PPFIA2: variants seen among roughly 807,000 people sequenced by gnomAD.
The protein encoded by PPFIA2 is PPFI scaffold protein A2, also known as liprin-alpha-2.
A neutral mutation model predicts 175.5 loss-of-function variants in PPFIA2; 46 were observed. The ratio of observed to expected loss-of-function variants is 0.26; its 90% CI spans 0.21 to 0.34. The LOEUF (loss-of-function observed/expected upper bound fraction) is 0.34. Ranked by LOEUF, PPFIA2 falls within the 10% of genes least tolerant of loss-of-function variation. PPFIA2 has a pLI of 1.00. For synonymous variants in PPFIA2, 568 were observed against 511.4 expected (o/e 1.11, Z -1.49); for missense variants, 1,179 against 1,506.1 (o/e 0.78, Z 3.60).
At chr12:81,388,673 T>C (rs954050391) in intron 8 of PPFIA2, among the ~76,000 whole-genome samples, 1 of 152,068 alleles carries the variant, frequency 6.6e-6, no homozygotes, top group African/African-American at 2.4e-5. Flanking sequence ...TAAAAGCCTA[T>C]AAAAACCTTG....
chr12:81,273,418 A>C (rs2039669126), intron 28 of PPFIA2, among the ~76,000 whole-genome samples: 2 of 152,038 alleles, frequency 1.3e-5, no homozygotes, highest in Admixed American at 1.3e-4. Flanking sequence ...TTTTTCCAAG[A>C]TCATAACCTC....
chr12:81,524,332 T>G (rs1322046312), intron 4 of PPFIA2, among the ~76,000 whole-genome samples: 7 of 152,158 alleles, frequency 4.6e-5, no homozygotes, highest in Admixed American at 4.6e-4. Context: ...ATTTGCCCAG[T>G]AAAGCTGAGA....
At chr12:81,283,369 T>G (rs527914622) in intron 25 of PPFIA2, among the ~76,000 whole-genome samples, 1 of 152,190 alleles carries the variant, frequency 6.6e-6, no homozygotes, top group African/African-American at 2.4e-5. Flanking sequence ...AAACTTCTGA[T>G]GACAAATATA....
At chr12:81,660,795 G>A (rs1458480001) in intron 4 of PPFIA2, among the ~76,000 whole-genome samples, 1 of 152,198 alleles carries the variant, frequency 6.6e-6, no homozygotes, top group Non-Finnish European at 1.5e-5. Context: ...TGCAGCCAGA[G>A]AGAAAGGTCG....
intron 14 of PPFIA2, among the ~76,000 whole-genome samples, chr12:81,366,438 G>A (rs558813436): frequency 5.1e-4 from 77 of 151,638 alleles, no homozygotes; most frequent in African/African-American, 1.8e-3. Flanking sequence ...CATGCACTAT[G>A]TTTGAAAGCC....
chr12:81,392,604 G>A (rs2040349756), intron 8 of PPFIA2, among the ~76,000 whole-genome samples: 1 of 151,818 alleles, frequency 6.6e-6, no homozygotes, highest in Non-Finnish European at 1.5e-5. Context: ...AAATATGTTT[G>A]TTGTCTTTCT....
At chr12:81,305,596 GC>G (rs2138684329) in intron 22 of PPFIA2, among the ~76,000 whole-genome samples, 1 of 152,108 alleles carries the variant, frequency 6.6e-6, no homozygotes, top group East Asian at 1.9e-4. Flanking sequence ...ATTTGGAATG[GC>G]CTTTCCTCAA....
chr12:81,446,228 A>G (rs967203072), intron 5 of PPFIA2, among the ~76,000 whole-genome samples: 1 of 152,234 alleles, frequency 6.6e-6, no homozygotes, highest in Non-Finnish European at 1.5e-5. Flanking sequence ...ATTATAGAAA[A>G]ATATATGCAA....
At chr12:81,722,841 A>G (rs2079530948) in intron 3 of PPFIA2, among the ~76,000 whole-genome samples, 1 of 151,162 alleles carries the variant, frequency 6.6e-6, no homozygotes, top group Non-Finnish European at 1.5e-5. Flanking sequence ...ATGTTTATGT[A>G]AGCACGCTGT....
intron 22 of PPFIA2, among the ~76,000 whole-genome samples, chr12:81,310,252 C>A (rs567155244): frequency 6.6e-6 from 1 of 152,240 alleles, no homozygotes; most frequent in East Asian, 1.9e-4. Context: ...TAAACTCTAT[C>A]TTCTGATTCC....
At chr12:81,659,165 T>G (rs2068327764) in intron 4 of PPFIA2, among the ~76,000 whole-genome samples, 1 of 152,122 alleles carries the variant, frequency 6.6e-6, no homozygotes, top group Non-Finnish European at 1.5e-5. Context: ...GATTTCTGCA[T>G]TTCCAACTGA....
chr12:81,704,983 C>T (rs1166247336), intron 3 of PPFIA2, among the ~76,000 whole-genome samples: 3 of 139,250 alleles, frequency 2.2e-5, no homozygotes, highest in Non-Finnish European at 3.1e-5. Flanking sequence ...ACTTGGGAGG[C>T]GGAGGCAGGA....
chr12:81,381,995 T>C (rs571095766), intron 9 of PPFIA2, among the ~76,000 whole-genome samples: 1 of 152,188 alleles, frequency 6.6e-6, no homozygotes, highest in East Asian at 1.9e-4. Context: ...CTAGCTCTTA[T>C]AGATGTTTAC....
intron 3 of PPFIA2, among the ~76,000 whole-genome samples, chr12:81,710,989 T>C (rs1162701979): frequency 1.3e-5 from 2 of 151,300 alleles, no homozygotes; most frequent in East Asian, 2.0e-4. Context: ...TCCCAGCTCT[T>C]TGGGAGGCCG....
chr12:81,363,640 AT>A (rs936272301), intron 14 of PPFIA2, among the ~76,000 whole-genome samples: 4 of 149,638 alleles, frequency 2.7e-5, no homozygotes, highest in Non-Finnish European at 4.5e-5. Flanking sequence ...TTCTCACCAC[AT>A]TTTTTTTTGT....
intron 8 of PPFIA2, among the ~76,000 whole-genome samples, chr12:81,391,861 G>A (rs139668719): frequency 8.6e-5 from 13 of 151,948 alleles, no homozygotes; most frequent in African/African-American, 2.7e-4. Flanking sequence ...AGTGGGTTTA[G>A]GATTTTCAAG....
intron 4 of PPFIA2, among the ~76,000 whole-genome samples, chr12:81,458,664 C>A (rs1168915526): frequency 6.6e-6 from 1 of 152,068 alleles, no homozygotes; most frequent in Non-Finnish European, 1.5e-5. Context: ...GATCAGAGAT[C>A]ATATGATATG....
In PPFIA2 at chr12:81,536,682, TATATACATGCTATATATATATAGCATGTA is replaced by T. The variant is rs567324835; in HGVS notation, c.304-78845_304-78817del. 5.8e-3 allele frequency among the ~76,000 whole-genome samples: 852 copies of T among 147,450 alleles called. 7 individuals carry two copies. Among genetic ancestry groups the T allele is most frequent in the African/African-American group, 0.019 (765 of 40,722 alleles). On this transcript the variant is annotated intron_variant, in intron 4 of 32. Coordinates refer to ENST00000549396, the MANE Select transcript of PPFIA2 (RefSeq NM_003625.5). ...AGTTTATTGCAGATTATTCAATTAA[TATATACATGCTATATATATATAGCATGTA>T]ATATACATATATACACAAATATATA...
At chr12:81,556,368 A>T (rs1417579545) in intron 4 of PPFIA2, among the ~76,000 whole-genome samples, 3 of 151,912 alleles carry the variant, frequency 2.0e-5, no homozygotes, top group African/African-American at 7.2e-5. Context: ...TTGGGGTCCT[A>T]ACATTTTAAA....
Sources: allele counts gnomAD v4.1 joint callset (sites outside exome capture counted in the v4.1 genomes callset), GRCh38; gene constraint gnomAD v4.1.1; transcripts MANE v1.5; gene names NCBI Gene and HGNC (gene_info 2026-07-23, HGNC 2026-07-21).